Variants in EPHA3 observed in about 807,000 individuals in gnomAD.
EPHA3 encodes ephrin type-A receptor 3.
EPHA3 carries 42 observed loss-of-function variants against 107.1 expected under a neutral mutation model. The ratio of observed to expected loss-of-function variants is 0.39; its 90% CI spans 0.31 to 0.51. The LOEUF (loss-of-function observed/expected upper bound fraction) is 0.51, where lower values mean the gene tolerates loss of function less well. EPHA3 is among the 20% of genes least tolerant of loss of function. EPHA3 has a pLI of 0.78. For synonymous variants in EPHA3, 461 were observed against 424.8 expected (o/e 1.09, Z -1.05); for missense variants, 1,183 against 1,211.2 (o/e 0.98, Z 0.35).
chr3:89,254,467 C>T (rs926013456), intron 3 of EPHA3, among the ~76,000 whole-genome samples: 2 of 152,080 alleles, frequency 1.3e-5, no homozygotes, highest in African/African-American at 4.8e-5. Context: ...GCTTCAGGCA[C>T]CTCTGCCTCA....
intron 2 of EPHA3, among the ~76,000 whole-genome samples, chr3:89,148,105 T>C (rs568936660): frequency 2.1e-3 from 322 of 152,130 alleles, no homozygotes; most frequent in Middle Eastern, 3.4e-3. Context: ...TGTGTGTTGA[T>C]TAAATGCAAA....
At chr3:89,166,617 C>G (rs763918835) in intron 2 of EPHA3, among the ~76,000 whole-genome samples, 1 of 152,150 alleles carries the variant, frequency 6.6e-6, no homozygotes, top group Non-Finnish European at 1.5e-5. Flanking sequence ...GCATTTCTCC[C>G]TTTCTCTCCC....
chr3:89,333,922 G>T (rs896401945), intron 3 of EPHA3, among the ~76,000 whole-genome samples: 1 of 151,794 alleles, frequency 6.6e-6, no homozygotes, highest in African/African-American at 2.4e-5. Context: ...CTAACAGAAG[G>T]CAAATGTGCT....
chr3:89,254,128 T>A lies in EPHA3; in HGVS notation c.814+43608T>A, dbSNP rs1371732691. Among the ~76,000 whole-genome samples, 3 of 152,300 alleles carry A rather than the reference T, an allele frequency of 2.0e-5. No homozygotes were observed. The East Asian group carries it at 5.8e-4, about 29-fold the overall frequency. On this transcript the variant is annotated intron_variant, in intron 3 of 16. Transcript: ENST00000336596. ...TCCGAGTTTATATGTTATTCTATAG[T>A]AAAATAATCTGCTTAATTCATATTT...
chr3:89,472,354 G>A, intron 15 of EPHA3, 110 bp from the exon 16 acceptor site: 2 of 1,160,842 alleles, frequency 1.7e-6, no homozygotes, highest in Admixed American at 4.6e-5. Context: ...CAAATGAAAG[G>A]AACACCATAT....
intron 15 of EPHA3, among the ~76,000 whole-genome samples, chr3:89,458,282 C>T (rs1191054830): frequency 6.6e-6 from 1 of 151,792 alleles, no homozygotes; most frequent in Non-Finnish European, 1.5e-5. Flanking sequence ...AAGAAAATTC[C>T]CTTTATTTTG....
At position 89,210,261 on chromosome 3, in the gene EPHA3, T is replaced by C; in HGVS notation, c.555T>C (p.Asp185=). ...NKKGFYLAFQ[D]VGACVALVSV... is the part of the protein sequence containing the mutation. ...AGGGATTTTATTTGGCATTTCAAGA[T>C]GTTGGTGCTTGTGTTGCCTTGGTGT... Residue 185 remains aspartate, a synonymous_variant, in exon 3 of 17, where the codon GAT becomes GAC. Transcript: ENST00000336596. 6.2e-7 allele frequency: 1 copy of C among 1,614,000 alleles called. No homozygotes were observed. Among genetic ancestry groups the C allele is most frequent in the Non-Finnish European group, 8.5e-7 (1 of 1,179,930 alleles).
chr3:89,337,069 A>G (rs907228375), intron 3 of EPHA3, among the ~76,000 whole-genome samples: 2 of 151,736 alleles, frequency 1.3e-5, no homozygotes, highest in Non-Finnish European at 2.9e-5. Context: ...AAAAAAAGAA[A>G]AAAAAAAAAA....
chr3:89,422,291 C>T (rs1021374279), intron 11 of EPHA3, among the ~76,000 whole-genome samples: 1 of 148,490 alleles, frequency 6.7e-6, no homozygotes, highest in Non-Finnish European at 1.5e-5. Context: ...GTCTTTGTTT[C>T]CTGAGATTTC....
chr3:89,458,070 T>C (rs1420146285), intron 15 of EPHA3, among the ~76,000 whole-genome samples: 1 of 100,558 alleles, frequency 9.9e-6, no homozygotes, highest in Non-Finnish European at 2.6e-5. Flanking sequence ...GTCAAGAAAC[T>C]AATTTAAATG....
At chr3:89,357,106 C>CACAAAAAAA (rs1707977652) in intron 5 of EPHA3, among the ~76,000 whole-genome samples, 1 of 15,978 alleles carries the variant, frequency 6.3e-5, no homozygotes, top group African/African-American at 2.1e-4. Context: ...GACCCTGTCT[C>CACAAAAAAA]AAAAAAAAAA....
chr3:89,272,226 A>C (rs191528609), intron 3 of EPHA3, among the ~76,000 whole-genome samples: 1 of 151,858 alleles, frequency 6.6e-6, no homozygotes, highest in East Asian at 1.9e-4. Context: ...TAATTCCTGC[A>C]TTCATTGTTC....
rs549501979 is a variant in EPHA3, at chr3:89,276,734, C to G, written c.815-64182C>G. Among the ~76,000 whole-genome samples the G allele has an allele frequency of 2.0e-5, 3 of 151,998 alleles. No homozygotes were observed. The South Asian group carries it at 6.2e-4, about 32-fold the overall frequency. On this transcript the variant is annotated intron_variant, in intron 3 of 16. Transcript: ENST00000336596. ...AGATTTATTATTCTAATCCGAATAG[C>G]CTTCTCAGGAAGTCTAGGTTCCCAT... is the stretch of plus-strand genomic sequence containing the variant.
At chr3:89,253,425 C>A (rs1705208262) in intron 3 of EPHA3, among the ~76,000 whole-genome samples, 1 of 152,038 alleles carries the variant, frequency 6.6e-6, no homozygotes, top group Non-Finnish European at 1.5e-5. Context: ...AATAAAAGAA[C>A]AAAAGTTCTC....
intron 7 of EPHA3, among the ~76,000 whole-genome samples, chr3:89,401,281 A>C (rs796291914): frequency 5.3e-5 from 8 of 152,338 alleles, no homozygotes; most frequent in African/African-American, 1.9e-4. Flanking sequence ...TTTAGAAATC[A>C]TCTGCTCATA....
intron 3 of EPHA3, among the ~76,000 whole-genome samples, chr3:89,236,125 A>G (rs1704754662): frequency 6.6e-6 from 1 of 152,120 alleles, no homozygotes; most frequent in Non-Finnish European, 1.5e-5. Flanking sequence ...TACATCTTCC[A>G]TCTAAATTTA....
chr3:89,107,626 C>G lies in EPHA3; in HGVS notation c.-123C>G. 1 of 935,678 alleles carries G rather than the reference C, an allele frequency of 1.1e-6. No homozygotes were observed. The highest frequency in any genetic ancestry group is 1.7e-6 in the Non-Finnish European group (1 of 595,994). 58.0% of individuals were successfully genotyped at this position (935,678 alleles called of 1,614,324 possible). The stretch of plus-strand genomic sequence containing the variant: ...CCAGACTCCTCCTTATCTCCAGTGT[C>G]AAACTTGACATCAGCCTGCGAGCGG... On this transcript the variant is annotated 5_prime_UTR_variant, in exon 1 of 17. Transcript: ENST00000336596.
intron 2 of EPHA3, among the ~76,000 whole-genome samples, chr3:89,159,444 G>A (rs544092195): frequency 3.7e-4 from 56 of 152,102 alleles, no homozygotes; most frequent in Non-Finnish European, 3.4e-4. Context: ...TGAAGTCCCT[G>A]TAATTACCAC....
chr3:89,109,209 GGATCAAGAAAATTATCTT>G (rs1707042163), intron 1 of EPHA3, among the ~76,000 whole-genome samples: 1 of 151,696 alleles, frequency 6.6e-6, no homozygotes, highest in African/African-American at 2.4e-5. Flanking sequence ...TAAAATATAA[GGATCAAGAAAATTATCTT>G]ACCCACAAAT....
Sources: allele counts gnomAD v4.1 joint callset (sites outside exome capture counted in the v4.1 genomes callset), GRCh38; gene constraint gnomAD v4.1.1; transcripts MANE v1.5; gene names NCBI Gene and HGNC (gene_info 2026-07-23, HGNC 2026-07-21).